The following NALCN variants were observed in gnomAD, a reference collection of about 807,000 sequenced individuals.
The protein encoded by NALCN is sodium leak channel, non-selective.
NALCN carries 111 observed loss-of-function variants against 225.3 expected under a neutral mutation model. That is an observed-to-expected ratio of 0.49 (90% confidence interval 0.42 to 0.58). NALCN has a LOEUF of 0.58. Ranked by LOEUF, NALCN falls within the 20% of genes least tolerant of loss-of-function variation. The pLI is 0.00. For missense variants in NALCN, 1,378 were observed against 2,202.4 expected, an observed-to-expected ratio of 0.63 and a Z score of 7.49; for synonymous variants, 764 against 769.0, an observed-to-expected ratio of 0.99 and a Z score of 0.11.
chr13:101,204,580 A>C, intron 13 of NALCN, among the ~76,000 whole-genome samples: 1 of 152,180 alleles, frequency 6.6e-6, no homozygotes, highest in African/African-American at 2.4e-5. Flanking sequence ...CTATTCCAGC[A>C]GCAAATTACT....
At chr13:101,415,228 T>TATATATATATATATACCTAC (rs137895468) in intron 1 of NALCN, among the ~76,000 whole-genome samples, 1 of 129,236 alleles carries the variant, frequency 7.7e-6, no homozygotes, top group South Asian at 2.5e-4. Context: ...TATATATACA[T>TATATATATATATATACCTAC]ACATATATAT....
chr13:101,354,799 AT>A (rs1166272635), intron 6 of NALCN, among the ~76,000 whole-genome samples: 2 of 151,958 alleles, frequency 1.3e-5, no homozygotes, highest in Admixed American at 1.3e-4. Context: ...GAGAGAGGCA[AT>A]TTTTTTTCCA....
At chr13:101,060,044 T>C (rs1225150103) in intron 41 of NALCN, 77 bp from the exon 42 acceptor site, 8 of 1,522,316 alleles carry the variant, frequency 5.3e-6, no homozygotes, top group Non-Finnish European at 4.5e-6. Context: ...AATCTTATTT[T>C]CTTCTCCCCT....
intron 28 of NALCN, among the ~76,000 whole-genome samples, chr13:101,092,832 A>G (rs372561436): frequency 1.3e-5 from 2 of 152,260 alleles, no homozygotes; most frequent in African/African-American, 4.8e-5. Flanking sequence ...GTAGCTTAAC[A>G]TTACATGGAG....
In NALCN at chr13:101,054,675, A is replaced by G. The variant is rs529706929; in HGVS notation, c.*620T>C. The G allele has an allele frequency of 8.5e-5, 13 of 152,358 alleles. No individual in the cohort carries two copies. The highest frequency in any genetic ancestry group is 2.6e-4 in the African/African-American group (11 of 41,594). 9.4% of individuals were successfully genotyped at this position (152,358 alleles called of 1,614,324 possible). ...AGAAGGAGGCAACAGTTTCATTAAC[A>G]TAACTGAGGACAGAAATCAACTTGT... On this transcript the variant is annotated 3_prime_UTR_variant, in exon 44 of 44. Coordinates refer to ENST00000251127, the MANE Select transcript of NALCN (RefSeq NM_052867.4).
At chr13:101,298,670 C>T (rs967896763) in intron 7 of NALCN, among the ~76,000 whole-genome samples, 1 of 152,206 alleles carries the variant, frequency 6.6e-6, no homozygotes, top group Admixed American at 6.5e-5. Flanking sequence ...TAAGAGAGAA[C>T]TTGCTGAAGC....
In NALCN at chr13:101,143,158, G is replaced by A; in HGVS notation, c.2040C>T (p.Ser680=). ...AGGAGGAGGAAGAGGTGGTCGGGAG[G>A]CTTCTCAGGAGGCAACATGTGTCCT... The part of the protein sequence containing the change: ...QQQDTCCLLR[S]LPTTSSSSCD... Residue 680 remains serine, a synonymous_variant, in exon 17 of 44, where the codon AGC becomes AGT. Transcript: ENST00000251127. The A allele has an allele frequency of 3.7e-6, 6 of 1,614,074 alleles. No individual in the cohort carries two copies. Among genetic ancestry groups the A allele is most frequent in the South Asian group, 1.1e-5 (1 of 91,058 alleles).
chr13:101,344,120 C>T (rs1419070987), intron 7 of NALCN, among the ~76,000 whole-genome samples: 1 of 152,206 alleles, frequency 6.6e-6, no homozygotes, highest in Admixed American at 6.6e-5. Context: ...GCCTCCCATA[C>T]CACATCTGTG....
At chr13:101,066,364 A>G (rs2032394296) in intron 39 of NALCN, among the ~76,000 whole-genome samples, 1 of 151,928 alleles carries the variant, frequency 6.6e-6, no homozygotes, top group Non-Finnish European at 1.5e-5. Context: ...TCAGGATTAG[A>G]AAAACTATAT....
intron 15 of NALCN, among the ~76,000 whole-genome samples, chr13:101,150,161 GTACTCC>G (rs373402067): frequency 0.76 from 115,261 of 151,608 alleles, 44,128 homozygotes; most frequent in East Asian, 1. Context: ...ACTGTTGTAT[GTACTCC>G]ATTCCACGTG....
chr13:101,292,208 C>T lies in NALCN; in HGVS notation c.942+16G>A, dbSNP rs1267119348. 3.7e-6 allele frequency: 6 copies of T among 1,613,564 alleles called. No individual in the cohort carries two copies. The highest frequency in any genetic ancestry group is 2.2e-5 in the South Asian group (2 of 91,046). On this transcript the variant is annotated intron_variant, in intron 8 of 43. Transcript: ENST00000251127. This position sits in a 1 kb window ranked among gnomAD's most constrained non-coding sequence, Gnocchi z 4.3. ...TCACAGAACATAGACTTTCTTAGTA[C>T]AATTCTTCGCAGTACCTTCACAAGC... is the stretch of plus-strand genomic sequence containing the variant.
intron 6 of NALCN, among the ~76,000 whole-genome samples, chr13:101,352,565 T>C (rs1030871501): frequency 6.6e-6 from 1 of 152,204 alleles, no homozygotes; most frequent in Non-Finnish European, 1.5e-5. Context: ...GTTGTTATCA[T>C]ACAAAAGCAA....
intron 11 of NALCN, among the ~76,000 whole-genome samples, chr13:101,256,402 C>T (rs575758624): frequency 2.1e-4 from 32 of 152,254 alleles, no homozygotes; most frequent in African/African-American, 7.7e-4. Context: ...TTCTCAGTTC[C>T]CCTAACCTGA....
At chr13:101,057,364 A>T (rs913776224) in intron 43 of NALCN, 1 of 154,550 alleles carries the variant, frequency 6.5e-6, no homozygotes, top group East Asian at 1.9e-4. Flanking sequence ...GGGACTGTTT[A>T]TTAAAGGATT....
At position 101,104,549 on chromosome 13, in the gene NALCN, A is replaced by T; in HGVS notation, c.2738T>A (p.Met913Lys). 6.2e-7 allele frequency: 1 copy of T among 1,614,076 alleles called. No homozygotes were observed. Among genetic ancestry groups the T allele is most frequent in the African/African-American group, 1.3e-5 (1 of 75,058 alleles). Residue 913 changes from methionine (M) to lysine (K), a missense_variant, in exon 24 of 44, where the codon ATG becomes AAG. Met to Lys is a moderately conservative substitution (Grantham distance 95). Around this residue, in one of 19 missense-constraint regions of NALCN, gnomAD observed 292 missense variants for 409.5 expected, o/e 0.71. Coordinates refer to ENST00000251127, the MANE Select transcript of NALCN (RefSeq NM_052867.4). This position sits in a 1 kb window ranked among gnomAD's most constrained non-coding sequence, Gnocchi z 4.2. ...CGGTACCTGCAAAGTAGGTGCATGC[A>T]TGACTCTTCGAAACGGGGACTCAAA... ...MMFESPFRRVMHAPTLQIAEY... is the reference protein window; with the variant it reads ...MMFESPFRRVKHAPTLQIAEY...
intron 17 of NALCN, among the ~76,000 whole-genome samples, chr13:101,132,858 C>T (rs2036583763): frequency 6.6e-6 from 1 of 152,070 alleles, no homozygotes; most frequent in South Asian, 2.1e-4. Flanking sequence ...TTTGTTTACA[C>T]ATATTATAAA....
chr13:101,269,929 C>G (rs1238663930), intron 10 of NALCN, among the ~76,000 whole-genome samples: 1 of 152,124 alleles, frequency 6.6e-6, no homozygotes, highest in Non-Finnish European at 1.5e-5. Flanking sequence ...CTTGGCTGGA[C>G]ATAGGTAATA....
intron 12 of NALCN, among the ~76,000 whole-genome samples, chr13:101,237,491 A>G (rs941374114): frequency 6.6e-5 from 10 of 151,980 alleles, no homozygotes; most frequent in Admixed American, 2.6e-4. Context: ...GTATCTATAT[A>G]CTGCTAATTT....
intron 43 of NALCN, chr13:101,057,319 T>G (rs2031385663): frequency 6.5e-6 from 1 of 153,500 alleles, no homozygotes; most frequent in Admixed American, 6.4e-5. Context: ...TAGAAGAAAA[T>G]TCTCTTACTG....
Sources: gnomAD v4.1 joint callset for allele counts (sites outside exome capture counted in the v4.1 genomes callset) on GRCh38, gnomAD v4.1.1 for gene constraint, gnomAD v4.1.1 regional missense constraint, Gnocchi (gnomAD v3.1) non-coding constraint, MANE v1.5 for transcripts, NCBI Gene and HGNC (gene_info 2026-07-23, HGNC 2026-07-21) for gene names.